The following SAMD12 variants were observed in gnomAD, a reference collection of about 807,000 sequenced individuals.
The protein encoded by SAMD12 is sterile alpha motif domain containing 12, also known as sterile alpha motif domain-containing protein 12.
Under a neutral mutation model 15.0 loss-of-function variants are expected in SAMD12, and 9 were observed. The observed-to-expected ratio is 0.60, with a 90% CI of 0.36 to 1.05. The LOEUF (loss-of-function observed/expected upper bound fraction) is 1.05, where lower values mean the gene tolerates loss of function less well. Ranked by LOEUF, SAMD12 falls within the 50% of genes least tolerant of loss-of-function variation. The probability of loss-of-function intolerance (pLI) is 0.01; values close to 1 mark genes in which losing one functional copy is unlikely to be tolerated. For synonymous variants in SAMD12, 86 were observed against 90.1 expected (o/e 0.96, Z 0.25); for missense variants, 230 against 234.2 (o/e 0.98, Z 0.12).
the SAMD12 span, among the ~76,000 whole-genome samples, chr8:118,174,840 G>A: frequency 6.6e-6 from 1 of 151,910 alleles, no homozygotes; most frequent in African/African-American, 2.4e-5. Context: ...TCCCCTCTAT[G>A]TGTGCATGTC....
chr8:118,517,363 C>T (rs1369919306), intron 2 of SAMD12, among the ~76,000 whole-genome samples: 1 of 152,156 alleles, frequency 6.6e-6, no homozygotes, highest in Non-Finnish European at 1.5e-5. Context: ...CTCTATACCT[C>T]AATTTCCTCA....
chr8:118,385,679 C>T (rs554957556), intron 3 of SAMD12, among the ~76,000 whole-genome samples: 1 of 152,186 alleles, frequency 6.6e-6, no homozygotes, highest in Non-Finnish European at 1.5e-5. Flanking sequence ...CTGTTACCCC[C>T]AGGATTCCCT....
At chr8:118,458,501 T>C (rs1325225416) in intron 2 of SAMD12, among the ~76,000 whole-genome samples, 1 of 152,198 alleles carries the variant, frequency 6.6e-6, no homozygotes, top group Non-Finnish European at 1.5e-5. Context: ...GGGCTTCACA[T>C]TTGATATACA....
chr8:118,493,606 G>T (rs756651362), intron 2 of SAMD12, among the ~76,000 whole-genome samples: 1 of 152,180 alleles, frequency 6.6e-6, no homozygotes, highest in Non-Finnish European at 1.5e-5. Context: ...GATTATCCTG[G>T]ATTATCTGTG....
intron 4 of SAMD12, among the ~76,000 whole-genome samples, chr8:118,200,321 C>A (rs779103714): frequency 4.7e-5 from 7 of 150,526 alleles, no homozygotes; most frequent in Non-Finnish European, 1.0e-4. Context: ...ATATTCTGAG[C>A]CTTTCCCATC....
intron 3 of SAMD12, among the ~76,000 whole-genome samples, chr8:118,388,831 A>G (rs1820108736): frequency 1.3e-5 from 2 of 152,204 alleles, no homozygotes; most frequent in Admixed American, 1.3e-4. Flanking sequence ...GGAATTTCCT[A>G]GAGAATTTAG....
At position 118,211,296 on chromosome 8, in the gene SAMD12, C is replaced by T. The variant is rs151298990; in HGVS notation, c.434-13564G>A. ...AAATAATGAAGGACTGTATTAGAAGCGATGGAGTCTCACTCATTATGGTAG... is the reference window on the plus strand; with the variant it reads ...AAATAATGAAGGACTGTATTAGAAGTGATGGAGTCTCACTCATTATGGTAG... On this transcript the variant is annotated intron_variant, in intron 4 of 4. Transcript: ENST00000409003. Among the ~76,000 whole-genome samples the T allele has an allele frequency of 3.1e-3, 471 of 152,246 alleles. 4 individuals are homozygous for T. Among genetic ancestry groups the T allele is most frequent in the African/African-American group, 0.011 (437 of 41,556 alleles).
intron 2 of SAMD12, among the ~76,000 whole-genome samples, chr8:118,506,199 C>T (rs1162055025): frequency 6.6e-6 from 1 of 152,216 alleles, no homozygotes; most frequent in African/African-American, 2.4e-5. Context: ...TTTTCCTAAA[C>T]TCCTAACTCC....
the SAMD12 span, among the ~76,000 whole-genome samples, chr8:118,184,166 A>G: frequency 2.0e-5 from 3 of 151,712 alleles, no homozygotes; most frequent in African/African-American, 7.3e-5. Context: ...TCAAAATGAA[A>G]TAAAAAAAAA....
chr8:118,409,988 T>C (rs1431750850), intron 3 of SAMD12, among the ~76,000 whole-genome samples: 1 of 151,966 alleles, frequency 6.6e-6, no homozygotes, highest in East Asian at 1.9e-4. Context: ...AAAGTACACG[T>C]ATATCTTTTT....
intron 4 of SAMD12, among the ~76,000 whole-genome samples, chr8:118,210,975 C>G (rs1023795307): frequency 6.6e-6 from 1 of 152,302 alleles, no homozygotes; most frequent in South Asian, 2.1e-4. Context: ...AAATGAACAA[C>G]AAATAACCCC....
chr8:118,600,728 A>G (rs1043392205), intron 1 of SAMD12, among the ~76,000 whole-genome samples: 2 of 152,128 alleles, frequency 1.3e-5, no homozygotes, highest in Admixed American at 6.5e-5. Flanking sequence ...ACTATTTCCC[A>G]TCTCAAGAGC....
chr8:118,601,554 C>T (rs2131299468), intron 1 of SAMD12, among the ~76,000 whole-genome samples: 1 of 152,284 alleles, frequency 6.6e-6, no homozygotes, highest in South Asian at 2.1e-4. Context: ...ATCATAAGTT[C>T]AAACATCGTT....
intron 3 of SAMD12, among the ~76,000 whole-genome samples, chr8:118,381,809 G>A (rs1218834853): frequency 6.6e-6 from 1 of 152,216 alleles, no homozygotes; most frequent in Non-Finnish European, 1.5e-5. Context: ...GTTGTTTAAA[G>A]CCATGGGAGT....
intron 4 of SAMD12, among the ~76,000 whole-genome samples, chr8:118,281,457 G>A (rs923107068): frequency 2.0e-5 from 3 of 152,168 alleles, no homozygotes; most frequent in African/African-American, 7.2e-5. Flanking sequence ...ACACAGTGCT[G>A]ACTCCAGAAC....
chr8:118,473,083 G>A lies in SAMD12; in HGVS notation c.193-33122C>T, dbSNP rs1823851099. 4.6e-5 allele frequency among the ~76,000 whole-genome samples: 7 copies of A among 152,234 alleles called. No individual in the cohort carries two copies. In the South Asian group the frequency reaches 1.5e-3, roughly 32 times the overall value. On this transcript the variant is annotated intron_variant, in intron 2 of 3. Transcript: ENST00000314727. The stretch of plus-strand genomic sequence containing the variant: ...AAGCACTGGCAGGAGGTGAGGCAGT[G>A]GGGAGAAGGGAGAGGCCAAGGTATG...
At chr8:118,620,248 G>A (rs1828359152) in intron 1 of SAMD12, among the ~76,000 whole-genome samples, 1 of 152,126 alleles carries the variant, frequency 6.6e-6, no homozygotes, top group Non-Finnish European at 1.5e-5. Context: ...GAAGACGAGA[G>A]ATCATAATCA....
the SAMD12 span, among the ~76,000 whole-genome samples, chr8:118,132,713 C>A: frequency 6.6e-6 from 1 of 152,016 alleles, no homozygotes; most frequent in Non-Finnish European, 1.5e-5. Flanking sequence ...GGAGCTACTT[C>A]CTGGAGCCAC....
At chr8:118,557,926 A>T (rs556132311) in intron 2 of SAMD12, among the ~76,000 whole-genome samples, 1 of 152,156 alleles carries the variant, frequency 6.6e-6, no homozygotes, top group East Asian at 1.9e-4. Flanking sequence ...ATAGGTTGAG[A>T]CCAACCTATT....
Sources: gnomAD v4.1 joint callset for allele counts (sites outside exome capture counted in the v4.1 genomes callset) on GRCh38, gnomAD v4.1.1 for gene constraint, MANE v1.5 for transcripts, NCBI Gene and HGNC (gene_info 2026-07-23, HGNC 2026-07-21) for gene names.